Variants in FIP1L1 observed in about 807,000 individuals in gnomAD.
FIP1L1 encodes pre-mRNA 3'-end-processing factor FIP1.
Under a neutral mutation model 84.6 loss-of-function variants are expected in FIP1L1, and 21 were observed. The ratio of observed to expected loss-of-function variants is 0.25; its 90% CI spans 0.18 to 0.36. The LOEUF (loss-of-function observed/expected upper bound fraction) is 0.36. Among genes scored for constraint, FIP1L1 ranks in the 10% least tolerant of loss-of-function variants. The pLI is 1.00. For missense variants in FIP1L1, 526 were observed against 751.1 expected, an observed-to-expected ratio of 0.70 and a Z score of 3.50; for synonymous variants, 263 against 242.3, an observed-to-expected ratio of 1.09 and a Z score of -0.80.
intron 9 of FIP1L1, among the ~76,000 whole-genome samples, chr4:53,396,924 A>C (rs78765886): frequency 2.3e-4 from 32 of 141,174 alleles, no homozygotes; most frequent in African/African-American, 8.1e-4. Flanking sequence ...AGCATTTTTT[A>C]ACAAAATTAT....
intron 5 of FIP1L1, among the ~76,000 whole-genome samples, chr4:53,384,920 A>G (rs1371605356): frequency 6.6e-6 from 1 of 152,226 alleles, no homozygotes; most frequent in East Asian, 1.9e-4. Flanking sequence ...ATATTGTTAA[A>G]TATTTTATTA....
intron 10 of FIP1L1, among the ~76,000 whole-genome samples, chr4:53,402,384 A>C (rs1000263663): frequency 4.8e-4 from 73 of 151,684 alleles, no homozygotes; most frequent in African/African-American, 1.6e-3. Flanking sequence ...GGTCAGGAGA[A>C]GTTTTTTTTC....
At chr4:53,428,296 TATA>T in intron 13 of FIP1L1, 113 bp downstream of exon 13, 1 of 1,016,164 alleles carries the variant, frequency 9.8e-7, no homozygotes. Context: ...AAGTAATAGA[TATA>T]ATATCTTCAA....
Position 53,421,445 on chromosome 4 carries a change from A to G in FIP1L1, c.924-4427A>G, listed in dbSNP as rs186746600. 7.3e-4 allele frequency among the ~76,000 whole-genome samples: 111 copies of G among 152,250 alleles called. 1 individual carries two copies. Among genetic ancestry groups the G allele is most frequent in the African/African-American group, 2.4e-3 (98 of 41,552 alleles). On this transcript the variant is annotated intron_variant, in intron 11 of 17. Coordinates refer to ENST00000337488, the MANE Select transcript of FIP1L1 (RefSeq NM_030917.4). Reference sequence around the variant, plus strand: ...GTTGTCCCTCCATCTGAAATGTTCTATCTTCCCATCCTACATGTCTTTTAA... The same window carrying G: ...GTTGTCCCTCCATCTGAAATGTTCTGTCTTCCCATCCTACATGTCTTTTAA...
intron 13 of FIP1L1, among the ~76,000 whole-genome samples, chr4:53,435,352 A>G (rs1307353716): frequency 6.6e-6 from 1 of 152,158 alleles, no homozygotes; most frequent in African/African-American, 2.4e-5. Flanking sequence ...CATTGACACC[A>G]CATTTTGTTG....
intron 3 of FIP1L1, 137 bp from the exon 4 acceptor site, chr4:53,382,141 G>T (rs1376893123): frequency 5.1e-6 from 3 of 593,768 alleles, no homozygotes; most frequent in Non-Finnish European, 6.0e-6. Flanking sequence ...GAATAAGACA[G>T]TCAGATTTTA....
chr4:53,449,920 T>G (rs1397727221), intron 15 of FIP1L1, among the ~76,000 whole-genome samples: 1 of 152,162 alleles, frequency 6.6e-6, no homozygotes, highest in Non-Finnish European at 1.5e-5. Context: ...TTAATCTGTG[T>G]TGTCTGTAGT....
chr4:53,448,696 C>G (rs1775189834), intron 15 of FIP1L1, among the ~76,000 whole-genome samples: 1 of 152,108 alleles, frequency 6.6e-6, no homozygotes, highest in Non-Finnish European at 1.5e-5. Flanking sequence ...CTTTTATTTA[C>G]TATACCATAT....
chr4:53,397,229 T>G (rs1747862263), intron 9 of FIP1L1, among the ~76,000 whole-genome samples: 1 of 152,204 alleles, frequency 6.6e-6, no homozygotes, highest in Non-Finnish European at 1.5e-5. Context: ...AAGGATTCCT[T>G]TTTGTATGGG....
intron 9 of FIP1L1, among the ~76,000 whole-genome samples, chr4:53,395,182 GACAA>G (rs918251078): frequency 3.9e-5 from 6 of 152,138 alleles, no homozygotes; most frequent in African/African-American, 9.7e-5. Context: ...AACATCTGAA[GACAA>G]ACAAATGGAT....
chr4:53,440,195 T>TA (rs1771306198), intron 13 of FIP1L1, among the ~76,000 whole-genome samples: 1 of 152,070 alleles, frequency 6.6e-6, no homozygotes, highest in Non-Finnish European at 1.5e-5. Context: ...CCTGCAGTAT[T>TA]AGAGAAAGAA....
rs1406842489 is a variant in FIP1L1, at chr4:53,459,981, T to G, written c.*532T>G. The G allele has an allele frequency of 4.7e-6, 1 of 212,994 alleles. No homozygotes were observed. The highest frequency in any genetic ancestry group is 9.5e-6 in the Non-Finnish European group (1 of 105,432). The allele number at this position is 212,994 out of a possible 1,614,324, so 13.2% of individuals were successfully genotyped here. ...CAATATTCTAAATTTGGGTTCCTGG[T>G]GAAACCAAATGGGGTACACTTTCAT... On this transcript the variant is annotated 3_prime_UTR_variant, in exon 18 of 18. Transcript: ENST00000337488.
Position 53,428,048 on chromosome 4 carries a change from A to G in FIP1L1, c.1039A>G (p.Thr347Ala), listed in dbSNP as rs1263670059. ...TTAGGTCCTTTCTGAAAGATCTGCT[A>G]CTGAAGTAGACAACAATTTTAGCAA... ...NIQVLSERSATEVDNNFSKPP... is the reference protein window; with the variant it reads ...NIQVLSERSAAEVDNNFSKPP... Residue 347 changes from threonine to alanine, a missense_variant, in exon 13 of 18, where the codon ACT becomes GCT. This residue lies in a region of FIP1L1 where 80 missense variants were observed against 151.1 expected (regional missense o/e 0.53). Transcript: ENST00000337488. The G allele has an allele frequency of 2.5e-6, 4 of 1,607,870 alleles. No individual in the cohort carries two copies. Among genetic ancestry groups the G allele is most frequent in the Admixed American group, 3.3e-5 (2 of 59,906 alleles).
intron 15 of FIP1L1, among the ~76,000 whole-genome samples, chr4:53,449,043 C>G (rs1284078114): frequency 2.6e-5 from 4 of 151,970 alleles, no homozygotes; most frequent in Non-Finnish European, 5.9e-5. Context: ...GGGAAATACT[C>G]TTGCAGATAA....
intron 15 of FIP1L1, 86 bp from the exon 16 acceptor site, chr4:53,452,834 A>G: frequency 5.4e-6 from 5 of 927,128 alleles, no homozygotes; most frequent in African/African-American, 1.7e-5. Flanking sequence ...ATGAATTTCT[A>G]TTATAATCTC....
At chr4:53,431,464 A>T (rs1158188000) in intron 13 of FIP1L1, among the ~76,000 whole-genome samples, 6 of 152,176 alleles carry the variant, frequency 3.9e-5, no homozygotes, top group African/African-American at 1.4e-4. Context: ...ATGGAAAAAC[A>T]TTTTTTTAAA....
chr4:53,445,196 T>C (rs1264814362), intron 15 of FIP1L1, among the ~76,000 whole-genome samples: 2 of 152,172 alleles, frequency 1.3e-5, no homozygotes, highest in Non-Finnish European at 2.9e-5. Context: ...TGGAACCAGT[T>C]AGTTTTATGC....
chr4:53,444,450 C>G (rs1263270501), intron 15 of FIP1L1, among the ~76,000 whole-genome samples: 1 of 152,172 alleles, frequency 6.6e-6, no homozygotes, highest in Non-Finnish European at 1.5e-5. Flanking sequence ...TTCCATCTTT[C>G]TCCCTCGCTG....
intron 3 of FIP1L1, among the ~76,000 whole-genome samples, chr4:53,379,967 C>T (rs1289732297): frequency 2.0e-5 from 3 of 152,174 alleles, no homozygotes; most frequent in African/African-American, 4.8e-5. Flanking sequence ...TATACAACTT[C>T]ATACCGAGTA....
Sources: allele counts gnomAD v4.1 joint callset (sites outside exome capture counted in the v4.1 genomes callset), GRCh38; gene constraint gnomAD v4.1.1; regional missense constraint gnomAD v4.1.1; transcripts MANE v1.5; gene names NCBI Gene and HGNC (gene_info 2026-07-23, HGNC 2026-07-21).